MYO3B: variants seen among roughly 807,000 people sequenced by gnomAD.
The protein encoded by MYO3B is myosin IIIB, also known as myosin-IIIb.
In MYO3B, 156 loss-of-function variants were observed where a neutral mutation model predicts 174.6. That is an observed-to-expected ratio of 0.89 (90% CI 0.78 to 1.02). The LOEUF (loss-of-function observed/expected upper bound fraction) is 1.02. MYO3B is among the 50% of genes least tolerant of loss of function. The probability of loss-of-function intolerance (pLI) is 0.00; values close to 1 mark genes in which losing one functional copy is unlikely to be tolerated. For synonymous variants in MYO3B, 563 were observed against 569.1 expected (o/e 0.99, Z 0.15); for missense variants, 1,632 against 1,639.4 (o/e 1.00, Z 0.08).
At chr2:170,208,340 G>A (rs1489375488) in intron 3 of MYO3B, among the ~76,000 whole-genome samples, 3 of 152,192 alleles carry the variant, frequency 2.0e-5, no homozygotes, top group Non-Finnish European at 4.4e-5. Context: ...AGGATGTCTT[G>A]TGACATGCCC....
Position 170,627,623 on chromosome 2 carries a change from C to T in MYO3B, c.3734-24005C>T, listed in dbSNP as rs757893756. 1.4e-4 allele frequency among the ~76,000 whole-genome samples: 22 copies of T among 152,314 alleles called. No individual in the cohort carries two copies. In the South Asian group the frequency reaches 1.7e-3, roughly 11 times the overall value. ...CTGTGTTCCTTTGGAAGAGGAGAGG[C>T]GCTCTGATTTTTAGAATTTTCTGTT... On this transcript the variant is annotated intron_variant, in intron 32 of 34. Transcript: ENST00000408978.
At chr2:170,363,871 C>G (rs2094179437) in intron 8 of MYO3B, among the ~76,000 whole-genome samples, 1 of 151,988 alleles carries the variant, frequency 6.6e-6, no homozygotes, top group South Asian at 2.1e-4. Context: ...ACAGAGAAAG[C>G]ATATCTAAAT....
chr2:170,582,565 G>A (rs1693222168), intron 32 of MYO3B, among the ~76,000 whole-genome samples: 2 of 152,080 alleles, frequency 1.3e-5, no homozygotes, highest in African/African-American at 4.8e-5. Flanking sequence ...TCCAAAGCAG[G>A]AAGAAATCCC....
intron 25 of MYO3B, among the ~76,000 whole-genome samples, chr2:170,490,601 A>G (rs1049299607): frequency 1.3e-5 from 2 of 152,068 alleles, no homozygotes; most frequent in African/African-American, 4.8e-5. Flanking sequence ...GAGAGTGGAC[A>G]TCTTGATTTG....
intron 30 of MYO3B, chr2:170,519,856 C>G (rs1011414315): frequency 4.2e-6 from 1 of 240,936 alleles, no homozygotes; most frequent in African/African-American, 2.3e-5. Context: ...GCCTGTAATC[C>G]CAGCTACTCA....
chr2:170,415,306 C>G (rs894264745), intron 22 of MYO3B, among the ~76,000 whole-genome samples: 1 of 152,156 alleles, frequency 6.6e-6, no homozygotes, highest in Non-Finnish European at 1.5e-5. Flanking sequence ...TCATTCAGAT[C>G]TTTTCTCTAA....
chr2:170,429,973 A>AT (rs2094695548), intron 22 of MYO3B, among the ~76,000 whole-genome samples: 1 of 150,060 alleles, frequency 6.7e-6, no homozygotes. Flanking sequence ...CTCTTGAACA[A>AT]TGTTGGTTTG....
At chr2:170,319,045 G>C (rs1007208100) in intron 7 of MYO3B, among the ~76,000 whole-genome samples, 1 of 152,186 alleles carries the variant, frequency 6.6e-6, no homozygotes, top group Non-Finnish European at 1.5e-5. Flanking sequence ...ACTAATTTCA[G>C]ATCATGTCTG....
At chr2:170,625,585 C>G (rs573305741) in intron 32 of MYO3B, among the ~76,000 whole-genome samples, 3 of 152,214 alleles carry the variant, frequency 2.0e-5, no homozygotes, top group African/African-American at 7.2e-5. Flanking sequence ...TTATTTCTTG[C>G]TTTCTGCTAG....
chr2:170,464,555 G>C (rs1196626297), intron 24 of MYO3B, among the ~76,000 whole-genome samples: 1 of 152,064 alleles, frequency 6.6e-6, no homozygotes. Flanking sequence ...AAAGCTAGCA[G>C]GTGCAGGGAT....
At chr2:170,277,833 A>G (rs1311407286) in intron 7 of MYO3B, among the ~76,000 whole-genome samples, 2 of 152,200 alleles carry the variant, frequency 1.3e-5, no homozygotes, top group Non-Finnish European at 2.9e-5. Context: ...AAATACATAC[A>G]TATGCATTTC....
chr2:170,585,181 G>C (rs1048011030), intron 32 of MYO3B, among the ~76,000 whole-genome samples: 2 of 152,108 alleles, frequency 1.3e-5, no homozygotes, highest in African/African-American at 2.4e-5. Flanking sequence ...TACTGCTCTA[G>C]GGGCATGCAC....
chr2:170,269,552 C>T lies in MYO3B; in HGVS notation c.749+33416C>T, dbSNP rs144704167. On this transcript the variant is annotated intron_variant, in intron 7 of 34. Transcript: ENST00000408978. The stretch of plus-strand genomic sequence containing the variant: ...GAGGCTTTTAGAGGACAATTTGGCA[C>T]TATCAAAATTTGAATAAAAATACAC... Among the ~76,000 whole-genome samples, 8 of 152,272 alleles carry T rather than the reference C, an allele frequency of 5.3e-5. No homozygotes were observed. In the East Asian group the frequency reaches 1.5e-3, roughly 29 times the overall value.
chr2:170,390,717 A>T (rs2094405836), intron 14 of MYO3B, among the ~76,000 whole-genome samples: 1 of 152,196 alleles, frequency 6.6e-6, no homozygotes. Flanking sequence ...AGAGGAAAGA[A>T]GGGGATGTGG....
At chr2:170,412,371 G>C (rs1013970286) in intron 22 of MYO3B, 19 of 152,192 alleles carry the variant, frequency 1.2e-4, no homozygotes, top group African/African-American at 4.3e-4. Context: ...AATAAGAATA[G>C]CACCAGAGGG....
chr2:170,622,326 A>G (rs1311135204), intron 32 of MYO3B, among the ~76,000 whole-genome samples: 1 of 152,232 alleles, frequency 6.6e-6, no homozygotes, highest in Non-Finnish European at 1.5e-5. Context: ...ATCCTCAATT[A>G]GTGCTTATTT....
chr2:170,637,464 C>T (rs527266835), intron 32 of MYO3B, among the ~76,000 whole-genome samples: 5 of 152,198 alleles, frequency 3.3e-5, no homozygotes, highest in African/African-American at 1.2e-4. Context: ...TGAGCCACCA[C>T]GCCCCACCTG....
chr2:170,313,646 G>C (rs1257642628), intron 7 of MYO3B, among the ~76,000 whole-genome samples: 1 of 152,108 alleles, frequency 6.6e-6, no homozygotes, highest in East Asian at 1.9e-4. Context: ...TCTTCAAAAT[G>C]CTCCTTTGAG....
intron 29 of MYO3B, 45 bp downstream of exon 29, chr2:170,515,067 C>A: frequency 6.5e-7 from 1 of 1,537,250 alleles, no homozygotes. Context: ...AATTCAGGGG[C>A]ATTCCGGAGA....
Sources: gnomAD v4.1 joint callset for allele counts (sites outside exome capture counted in the v4.1 genomes callset) on GRCh38, gnomAD v4.1.1 for gene constraint, MANE v1.5 for transcripts, NCBI Gene and HGNC (gene_info 2026-07-23, HGNC 2026-07-21) for gene names.